The following PRKAR2B variants were observed in gnomAD, a reference collection of about 807,000 sequenced individuals.
The protein encoded by PRKAR2B is protein kinase cAMP-dependent type II regulatory subunit beta.
Under a neutral mutation model 49.9 loss-of-function variants are expected in PRKAR2B, and 14 were observed. The ratio of observed to expected loss-of-function variants is 0.28; its 90% CI spans 0.19 to 0.44. The LOEUF is 0.44. Ranked by LOEUF, PRKAR2B falls within the 20% of genes least tolerant of loss-of-function variation. The pLI is 1.00. For missense variants in PRKAR2B, 393 were observed against 537.9 expected (o/e 0.73, Z 2.67); for synonymous variants, 196 against 197.7 (o/e 0.99, Z 0.07).
chr7:107,095,867 T>A (rs944076449), intron 2 of PRKAR2B, among the ~76,000 whole-genome samples: 11 of 152,226 alleles, frequency 7.2e-5, no homozygotes, highest in Non-Finnish European at 1.0e-4. Context: ...TTGATCATGG[T>A]GGATAAGTTT....
At chr7:107,091,927 A>T (rs1358104053) in intron 2 of PRKAR2B, 2 of 152,156 alleles carry the variant, frequency 1.3e-5, no homozygotes, top group Non-Finnish European at 2.9e-5. Context: ...ATTTAATCCT[A>T]ACTCATGTAT....
At chr7:107,078,600 A>G (rs1467354304) in intron 2 of PRKAR2B, among the ~76,000 whole-genome samples, 1 of 152,200 alleles carries the variant, frequency 6.6e-6, no homozygotes, top group Non-Finnish European at 1.5e-5. Flanking sequence ...AATCCAAGTG[A>G]ACAGAGCAAG....
At chr7:107,098,732 A>G (rs1794900177) in intron 2 of PRKAR2B, among the ~76,000 whole-genome samples, 1 of 152,118 alleles carries the variant, frequency 6.6e-6, no homozygotes, top group Non-Finnish European at 1.5e-5. Context: ...TTTTCCTTCT[A>G]ACAGTCAGGA....
intron 2 of PRKAR2B, among the ~76,000 whole-genome samples, chr7:107,104,235 G>A (rs1309362314): frequency 2.0e-5 from 3 of 151,980 alleles, no homozygotes; most frequent in African/African-American, 4.8e-5. Flanking sequence ...GGGTTTCACT[G>A]TGTTGTCCAG....
intron 6 of PRKAR2B, among the ~76,000 whole-genome samples, chr7:107,149,476 C>A (rs912507402): frequency 1.3e-5 from 2 of 152,026 alleles, no homozygotes; most frequent in African/African-American, 2.4e-5. Context: ...TCCTGTTTAA[C>A]AGACAGCGTC....
intron 4 of PRKAR2B, among the ~76,000 whole-genome samples, 154 bp from the exon 5 acceptor site, chr7:107,140,688 TGGTAA>T (rs1795775909): frequency 6.6e-6 from 1 of 152,216 alleles, no homozygotes; most frequent in African/African-American, 2.4e-5. Context: ...TATTTGTATG[TGGTAA>T]GAAAGACTAC....
chr7:107,154,812 A>T (rs927176684), intron 8 of PRKAR2B, among the ~76,000 whole-genome samples: 2 of 152,240 alleles, frequency 1.3e-5, no homozygotes, highest in African/African-American at 4.8e-5. Flanking sequence ...GTTCATTAAG[A>T]AACAAAAGCA....
intron 1 of PRKAR2B, among the ~76,000 whole-genome samples, chr7:107,062,769 G>A (rs1794051110): frequency 6.6e-6 from 1 of 151,298 alleles, no homozygotes; most frequent in Non-Finnish European, 1.5e-5. Flanking sequence ...ATTGAGAAAT[G>A]CCATTGCCTT....
At chr7:107,093,875 T>C (rs1270182509) in intron 2 of PRKAR2B, among the ~76,000 whole-genome samples, 9 of 152,162 alleles carry the variant, frequency 5.9e-5, no homozygotes, top group Admixed American at 2.6e-4. Context: ...TATTCCATGG[T>C]ATATATGTGC....
intron 4 of PRKAR2B, among the ~76,000 whole-genome samples, chr7:107,131,258 C>T (rs28610544): frequency 0.11 from 16,717 of 152,188 alleles, 1,022 homozygotes; most frequent in Middle Eastern, 0.17. Context: ...AGGCATAAAT[C>T]GTTGCTAATT....
intron 2 of PRKAR2B, among the ~76,000 whole-genome samples, chr7:107,097,404 C>G (rs1196908197): frequency 1.3e-5 from 2 of 152,198 alleles, no homozygotes; most frequent in African/African-American, 4.8e-5. Context: ...ATGTGTATCT[C>G]TGCACGTGAG....
intron 4 of PRKAR2B, among the ~76,000 whole-genome samples, chr7:107,140,547 AT>A (rs1795773489): frequency 1.3e-5 from 2 of 152,240 alleles, no homozygotes; most frequent in Non-Finnish European, 2.9e-5. Context: ...CTAAGATTAT[AT>A]TTCACAAGGT....
intron 2 of PRKAR2B, among the ~76,000 whole-genome samples, chr7:107,074,860 TATTTTAAGAGTAAA>T (rs958641109): frequency 7.9e-5 from 12 of 152,040 alleles, no homozygotes; most frequent in African/African-American, 2.7e-4. Context: ...GCTCAGTAAA[TATTTTAAGAGTAAA>T]GCTTTAATCA....
chr7:107,110,402 A>G (rs546891833), intron 2 of PRKAR2B, among the ~76,000 whole-genome samples: 1 of 152,150 alleles, frequency 6.6e-6, no homozygotes, highest in Admixed American at 6.5e-5. Context: ...ATTGGACTGG[A>G]GAGGCACGCG....
In PRKAR2B at chr7:107,122,051, A is replaced by C. The variant is rs773258953; in HGVS notation, c.396+47A>C. Reference sequence around the variant, plus strand: ...TGAATTTTAAATTGATGCCCTTGTCATATATAAGGAAAATAATCATAGAAA... The same window carrying C: ...TGAATTTTAAATTGATGCCCTTGTCCTATATAAGGAAAATAATCATAGAAA... On this transcript the variant is annotated intron_variant, in intron 3 of 10. Transcript: ENST00000265717. The C allele has an allele frequency of 3.2e-6, 4 of 1,241,618 alleles. No homozygotes were observed. In the African/African-American group the frequency reaches 4.6e-5, roughly 14 times the overall value. The allele number at this position is 1,241,618 out of a possible 1,614,324, so 76.9% of individuals were successfully genotyped here.
At chr7:107,154,280 C>T (rs1796040208) in intron 8 of PRKAR2B, among the ~76,000 whole-genome samples, 1 of 152,204 alleles carries the variant, frequency 6.6e-6, no homozygotes, top group African/African-American at 2.4e-5. Flanking sequence ...GTGTACTCTT[C>T]ACCCAGTTTC....
chr7:107,132,261 G>A (rs888426743), intron 4 of PRKAR2B, among the ~76,000 whole-genome samples: 3 of 152,220 alleles, frequency 2.0e-5, no homozygotes, highest in Non-Finnish European at 2.9e-5. Context: ...AGTGATGGGA[G>A]TGATGGAGCT....
intron 2 of PRKAR2B, among the ~76,000 whole-genome samples, chr7:107,104,118 G>A (rs1334695234): frequency 3.3e-5 from 5 of 151,784 alleles, no homozygotes; most frequent in South Asian, 2.1e-4. Context: ...TGCAACCTCC[G>A]CCTCCTGGGC....
chr7:107,115,741 G>A (rs969306568), intron 2 of PRKAR2B, among the ~76,000 whole-genome samples: 3 of 152,156 alleles, frequency 2.0e-5, no homozygotes, highest in Non-Finnish European at 4.4e-5. Context: ...GTCATCAGTG[G>A]TATTCACAAA....
Sources: allele counts gnomAD v4.1 joint callset (sites outside exome capture counted in the v4.1 genomes callset), GRCh38; gene constraint gnomAD v4.1.1; transcripts MANE v1.5; gene names NCBI Gene and HGNC (gene_info 2026-07-23, HGNC 2026-07-21).